The following TTC8 variants were observed in gnomAD, a reference collection of about 807,000 sequenced individuals.
TTC8 encodes the protein tetratricopeptide repeat protein 8.
In TTC8, 47 loss-of-function variants were observed where a neutral mutation model predicts 72.5. That is an observed-to-expected ratio of 0.65 (90% CI 0.51 to 0.83). The LOEUF (loss-of-function observed/expected upper bound fraction) is 0.83. TTC8 is among the 40% of genes least tolerant of loss of function. The pLI is 0.00. For missense variants in TTC8, 611 were observed against 623.2 expected, an observed-to-expected ratio of 0.98 and a Z score of 0.21; for synonymous variants, 199 against 221.4, an observed-to-expected ratio of 0.90 and a Z score of 0.90.
chr14:88,836,680 A>T (rs957220210), intron 2 of TTC8, among the ~76,000 whole-genome samples: 6 of 152,166 alleles, frequency 3.9e-5, no homozygotes, highest in Admixed American at 3.3e-4. Flanking sequence ...GGACTATGAA[A>T]TAACAGTATG....
intron 2 of TTC8, 54 bp downstream of exon 2, chr14:88,833,776 G>C (rs1377712399): frequency 1.3e-6 from 2 of 1,541,902 alleles, no homozygotes; most frequent in Middle Eastern, 3.4e-4. Flanking sequence ...TAATGCTATT[G>C]CTTAGTTGTT....
At chr14:88,860,520 T>TGTTCC (rs1379298028) in intron 9 of TTC8, among the ~76,000 whole-genome samples, 1 of 152,214 alleles carries the variant, frequency 6.6e-6, no homozygotes, top group Non-Finnish European at 1.5e-5. Flanking sequence ...TCTCAGGCCT[T>TGTTCC]GTTCCATGGG....
intron 8 of TTC8, among the ~76,000 whole-genome samples, chr14:88,856,716 C>T (rs1388752038): frequency 6.6e-6 from 1 of 152,052 alleles, no homozygotes; most frequent in Non-Finnish European, 1.5e-5. Context: ...ACTATATTAC[C>T]CAAGTGCTAA....
chr14:88,870,120 C>G lies in TTC8; in HGVS notation c.971C>G (p.Thr324Ser). ...AAAGAAGTTTTGAAACAAGACAATACTCATGTGGAAGCCATCGCATGCATT... is the reference window on the plus strand; with the variant it reads ...AAAGAAGTTTTGAAACAAGACAATAGTCATGTGGAAGCCATCGCATGCATT... Reference protein sequence around the residue: ...YYKEVLKQDNTHVEAIACIGS... With the variant: ...YYKEVLKQDNSHVEAIACIGS... Residue 324 changes from threonine to serine, a missense_variant, in exon 11 of 15, where the codon ACT becomes AGT. Physicochemically the swap from Thr to Ser is moderately conservative, Grantham distance 58 (BLOSUM62 1). Coordinates refer to ENST00000380656, the MANE Select transcript of TTC8 (RefSeq NM_144596.4). The G allele has an allele frequency of 6.2e-7, 1 of 1,613,946 alleles. No individual in the cohort carries two copies. Among genetic ancestry groups the G allele is most frequent in the Non-Finnish European group, 8.5e-7 (1 of 1,179,854 alleles).
At chr14:88,859,920 TA>T (rs1186288718) in intron 9 of TTC8, among the ~76,000 whole-genome samples, 9 of 143,834 alleles carry the variant, frequency 6.3e-5, no homozygotes, top group Non-Finnish European at 1.2e-4. Flanking sequence ...ATAATAACTA[TA>T]TAGCATGTTT....
chr14:88,843,871 A>G lies in TTC8; in HGVS notation c.624+21A>G, dbSNP rs2094793860. ...AGACTGTAAGTTTTGAATTCATGCTATTTTCTTTTATTGTAATTTTTCTGA... is the reference window on the plus strand; with the variant it reads ...AGACTGTAAGTTTTGAATTCATGCTGTTTTCTTTTATTGTAATTTTTCTGA... On this transcript the variant is annotated intron_variant, in intron 7 of 14. Coordinates refer to ENST00000380656, the MANE Select transcript of TTC8 (RefSeq NM_144596.4). The G allele has an allele frequency of 6.6e-6, 10 of 1,514,732 alleles. No homozygotes were observed. The East Asian group carries it at 2.1e-4, about 31-fold the overall frequency. 93.8% of individuals were successfully genotyped at this position (1,514,732 alleles called of 1,614,324 possible). A position where few individuals can be genotyped will look rare whatever the true frequency, so the allele number is the denominator to read the frequency against.
rs2141050709 is a variant in TTC8 at position 88,877,860 on chromosome 14, A to G, written c.*450A>G. On this transcript the variant is annotated 3_prime_UTR_variant, in exon 15 of 15. Transcript: ENST00000380656. ...GTGCCTATAGTCCCAGCTACTTGGG[A>G]GGTGGAGGTGGGAGGATTATAAATA... 6.5e-6 allele frequency: 1 copy of G among 152,996 alleles called. No individual in the cohort carries two copies. The highest frequency in any genetic ancestry group is 6.5e-5 in the Admixed American group (1 of 15,380). The allele number at this position is 152,996 out of a possible 1,614,324, so 9.5% of individuals were successfully genotyped here.
chr14:88,835,766 CT>C (rs1033140330), intron 2 of TTC8, among the ~76,000 whole-genome samples: 1 of 151,488 alleles, frequency 6.6e-6, no homozygotes, highest in Middle Eastern at 3.2e-3. Context: ...TAGTTTTAAA[CT>C]TTTTTTTGGT....
chr14:88,837,035 T>G (rs939360634), intron 2 of TTC8: 4 of 273,558 alleles, frequency 1.5e-5, no homozygotes, highest in African/African-American at 2.3e-5. Flanking sequence ...TACTCCAGCT[T>G]GGGCAACAAG....
At position 88,840,924 on chromosome 14, in the gene TTC8, G is replaced by A. The variant is rs150067562; in HGVS notation, c.325G>A (p.Val109Ile). The change falls in exon 4 of 15, where the codon GTT (valine) becomes ATT (isoleucine). Residue 109 changes from valine (V) to isoleucine (I), a missense_variant. Val to Ile is a conservative substitution (Grantham distance 29). Coordinates refer to ENST00000380656, the MANE Select transcript of TTC8 (RefSeq NM_144596.4). ...TNQTGGPSQA[V>I]RPITQAGRPI... The stretch of plus-strand genomic sequence containing the variant: ...TCAGACAGGAGGGCCTAGCCAGGCC[G>A]TTAGGTATGTACTTCTGCTTCATAA... The A allele has an allele frequency of 1.5e-5, 24 of 1,614,122 alleles. No homozygotes were observed. The highest frequency in any genetic ancestry group is 1.6e-4 in the Middle Eastern group (1 of 6,062).
At chr14:88,872,530 G>C in intron 13 of TTC8, 78 bp downstream of exon 13, 1 of 1,585,264 alleles carries the variant, frequency 6.3e-7, no homozygotes, top group Admixed American at 1.7e-5. Flanking sequence ...GCATTACAGC[G>C]TATGTTATTT....
intron 1 of TTC8, among the ~76,000 whole-genome samples, chr14:88,825,610 G>A (rs2094695839): frequency 6.6e-6 from 1 of 152,242 alleles, no homozygotes; most frequent in Non-Finnish European, 1.5e-5. Context: ...TGGGAGAACA[G>A]AAGTAGCGCT....
rs1055563947 is a variant in TTC8 at position 88,871,131 on chromosome 14, G to A, written c.1050-418G>A. On this transcript the variant is annotated intron_variant, in intron 11 of 14. Coordinates refer to ENST00000380656, the MANE Select transcript of TTC8 (RefSeq NM_144596.4). This position sits in a 1 kb window ranked among gnomAD's most constrained non-coding sequence, Gnocchi z 4.1. ...GCACAAAGTACAGCGAGCCAAAAACGGGATCCAGTCAGCTGAAAACGTAGA... is the reference window on the plus strand; with the variant it reads ...GCACAAAGTACAGCGAGCCAAAAACAGGATCCAGTCAGCTGAAAACGTAGA... Among the ~76,000 whole-genome samples the A allele has an allele frequency of 4.6e-5, 7 of 152,304 alleles. No homozygotes were observed. In the East Asian group the frequency reaches 1.2e-3, roughly 25 times the overall value.
Position 88,871,614 on chromosome 14 carries a change from A to G in TTC8, c.1115A>G (p.Tyr372Cys), listed in dbSNP as rs1334256102. Reference protein sequence around the residue: ...LFNNLGLCCFYAQQYDMTLTS... With the variant: ...LFNNLGLCCFCAQQYDMTLTS... ...AACAATCTGGGGCTGTGTTGCTTCTATGCCCAGCAGTATGATATGACTCTG... is the reference window on the plus strand; with the variant it reads ...AACAATCTGGGGCTGTGTTGCTTCTGTGCCCAGCAGTATGATATGACTCTG... Residue 372 changes from tyrosine to cysteine, a missense_variant, in exon 12 of 15, where the codon TAT becomes TGT. Coordinates refer to ENST00000380656, the MANE Select transcript of TTC8 (RefSeq NM_144596.4). This position sits in a 1 kb window ranked among gnomAD's most constrained non-coding sequence, Gnocchi z 4.1. 1 of 1,614,090 alleles carries G rather than the reference A, an allele frequency of 6.2e-7. No homozygotes were observed. Among genetic ancestry groups the G allele is most frequent in the Non-Finnish European group, 8.5e-7 (1 of 1,180,006 alleles).
intron 1 of TTC8, among the ~76,000 whole-genome samples, chr14:88,829,730 G>T (rs778369994): frequency 1.3e-5 from 2 of 152,128 alleles, no homozygotes; most frequent in African/African-American, 2.4e-5. Context: ...AGAGGAGGGG[G>T]TTATTATTGT....
Position 88,830,707 on chromosome 14 carries a change from G to A in TTC8, c.115-2986G>A, listed in dbSNP as rs140082354. On this transcript the variant is annotated intron_variant, in intron 1 of 14. Transcript: ENST00000380656. ...AGCCTGGAGCTTTCTGCTCAACTGC[G>A]CTGATACCTGTAGAAATAGTTTGCT... 1.1e-3 allele frequency among the ~76,000 whole-genome samples: 162 copies of A among 152,354 alleles called. 1 individual carries two copies. The highest frequency in any genetic ancestry group is 3.6e-3 in the African/African-American group (151 of 41,580).
At chr14:88,863,795 C>G (rs1018273374) in intron 10 of TTC8, among the ~76,000 whole-genome samples, 4 of 152,192 alleles carry the variant, frequency 2.6e-5, no homozygotes, top group Admixed American at 2.6e-4. Context: ...TTGATTACTT[C>G]TGGCAGATAG....
Position 88,833,811 on chromosome 14 carries a change from A to G in TTC8, c.144+89A>G, listed in dbSNP as rs559615066. On this transcript the variant is annotated intron_variant, in intron 2 of 14. Transcript: ENST00000380656. ...TGCTATAGATTAGAAAATTTGCTGC[A>G]TATCTTCCTGTGGGTTTATAAAATT... 23 of 1,199,002 alleles carry G rather than the reference A, an allele frequency of 1.9e-5. No individual in the cohort carries two copies. The African/African-American group carries it at 2.8e-4, about 15-fold the overall frequency. The allele number at this position is 1,199,002 out of a possible 1,614,324, so 74.3% of individuals were successfully genotyped here. A position where few individuals can be genotyped will look rare whatever the true frequency, so the allele number is the denominator to read the frequency against.
At position 88,871,670 on chromosome 14, in the gene TTC8, G is replaced by C. The variant is rs1253282084; in HGVS notation, c.1171G>C (p.Glu391Gln). Residue 391 changes from glutamate (E) to glutamine (Q), a missense_variant, in exon 12 of 15, where the codon GAA becomes CAA. Coordinates refer to ENST00000380656, the MANE Select transcript of TTC8 (RefSeq NM_144596.4). This position sits in a 1 kb window ranked among gnomAD's most constrained non-coding sequence, Gnocchi z 4.1. ...TSFERALSLA[E>Q]NEEEAADVWY... Reference sequence around the variant, plus strand: ...ATTTGAACGTGCCCTTTCTTTGGCTGAAAATGAAGAAGAGGCAGCTGATGT... The same window carrying C: ...ATTTGAACGTGCCCTTTCTTTGGCTCAAAATGAAGAAGAGGCAGCTGATGT... 3 of 1,614,008 alleles carry C rather than the reference G, an allele frequency of 1.9e-6. No homozygotes were observed. Among genetic ancestry groups the C allele is most frequent in the Non-Finnish European group, 2.5e-6 (3 of 1,180,026 alleles).
Sources: allele counts gnomAD v4.1 joint callset (sites outside exome capture counted in the v4.1 genomes callset), GRCh38; gene constraint gnomAD v4.1.1; non-coding constraint Gnocchi (gnomAD v3.1); transcripts MANE v1.5; gene names NCBI Gene and HGNC (gene_info 2026-07-23, HGNC 2026-07-21).